POU6F2: variants seen among roughly 807,000 people sequenced by gnomAD.
The protein encoded by POU6F2 is POU class 6 homeobox 2.
POU6F2 carries 31 observed loss-of-function variants against 71.3 expected under a neutral mutation model. The observed-to-expected ratio is 0.43, with a 90% CI of 0.33 to 0.59. The LOEUF is 0.59. Among genes scored for constraint, POU6F2 ranks in the 20% least tolerant of loss-of-function variants. The pLI, the probability that POU6F2 is intolerant of heterozygous loss-of-function variation, is 0.04. For synonymous variants in POU6F2, 347 were observed against 355.7 expected, an observed-to-expected ratio of 0.98 and a Z score of 0.27; for missense variants, 783 against 856.8, an observed-to-expected ratio of 0.91 and a Z score of 1.07.
intron 1 of POU6F2, among the ~76,000 whole-genome samples, chr7:39,056,392 C>A (rs557682836): frequency 6.6e-6 from 1 of 152,068 alleles, no homozygotes; most frequent in East Asian, 1.9e-4. Flanking sequence ...TTCTTTCTTT[C>A]ATTAAGTTTA....
chr7:39,363,387 T>C (rs575861364), intron 5 of POU6F2, among the ~76,000 whole-genome samples: 1 of 152,094 alleles, frequency 6.6e-6, no homozygotes, highest in East Asian at 1.9e-4. Context: ...TCTTAACATG[T>C]TAGTTTTAGA....
chr7:39,084,875 T>A (rs890638914), intron 1 of POU6F2, among the ~76,000 whole-genome samples: 18 of 152,122 alleles, frequency 1.2e-4, no homozygotes, highest in African/African-American at 4.3e-4. Context: ...AAAGGGCACT[T>A]CTTGCTCTCC....
At chr7:39,318,075 A>G (rs975046548) in intron 4 of POU6F2, among the ~76,000 whole-genome samples, 7 of 152,260 alleles carry the variant, frequency 4.6e-5, no homozygotes, top group African/African-American at 1.7e-4. Flanking sequence ...CACTAACCCT[A>G]TTGCTGTCTC....
intron 4 of POU6F2, among the ~76,000 whole-genome samples, chr7:39,319,710 CCAA>C (rs1344281833): frequency 6.6e-6 from 1 of 152,128 alleles, no homozygotes; most frequent in Non-Finnish European, 1.5e-5. Context: ...GTGGCATTTT[CCAA>C]CAAGAGGCCA....
At chr7:39,211,001 G>A (rs909153417) in intron 4 of POU6F2, among the ~76,000 whole-genome samples, 1 of 152,168 alleles carries the variant, frequency 6.6e-6, no homozygotes, top group African/African-American at 2.4e-5. Context: ...TTCTGGTGAA[G>A]GCCCACTTCC....
At chr7:39,400,975 A>G (rs986477802) in intron 5 of POU6F2, among the ~76,000 whole-genome samples, 1 of 151,912 alleles carries the variant, frequency 6.6e-6, no homozygotes, top group East Asian at 1.9e-4. Flanking sequence ...GGAAACAGGG[A>G]CTCTCTGCAA....
intron 5 of POU6F2, among the ~76,000 whole-genome samples, chr7:39,402,788 T>C (rs1266103345): frequency 3.9e-5 from 6 of 152,150 alleles, no homozygotes; most frequent in African/African-American, 1.4e-4. Context: ...GAAAAAAAAG[T>C]AAAATAAAAT....
At chr7:39,240,532 C>T (rs1022947138) in intron 4 of POU6F2, among the ~76,000 whole-genome samples, 1 of 152,064 alleles carries the variant, frequency 6.6e-6, no homozygotes, top group African/African-American at 2.4e-5. Flanking sequence ...GAAACCAGTT[C>T]CTACCAATCA....
intron 1 of POU6F2, among the ~76,000 whole-genome samples, chr7:38,998,855 C>G (rs1244961381): frequency 6.9e-6 from 1 of 143,938 alleles, no homozygotes; most frequent in African/African-American, 2.6e-5. Context: ...CAGTAGAGAC[C>G]AGGTTTTACC....
chr7:39,232,058 C>T (rs1258914838), intron 4 of POU6F2, among the ~76,000 whole-genome samples: 2 of 152,200 alleles, frequency 1.3e-5, no homozygotes, highest in African/African-American at 4.8e-5. Flanking sequence ...ATTTTCCCTG[C>T]ATTTCTTCTA....
At chr7:39,102,092 T>C (rs1791586201) in intron 2 of POU6F2, among the ~76,000 whole-genome samples, 1 of 152,180 alleles carries the variant, frequency 6.6e-6, no homozygotes, top group African/African-American at 2.4e-5. Context: ...ATCAGAGCAG[T>C]ACATTGTTAG....
intron 4 of POU6F2, among the ~76,000 whole-genome samples, chr7:39,216,072 C>G (rs1794237312): frequency 6.6e-6 from 1 of 152,210 alleles, no homozygotes; most frequent in Non-Finnish European, 1.5e-5. Flanking sequence ...ATCACTTCCA[C>G]TCACACGCTG....
At chr7:39,003,191 C>T (rs1788962091) in intron 1 of POU6F2, among the ~76,000 whole-genome samples, 1 of 151,852 alleles carries the variant, frequency 6.6e-6, no homozygotes, top group South Asian at 2.1e-4. Flanking sequence ...AAAAAGCCAT[C>T]AAGGACATAC....
At chr7:39,250,940 C>T (rs976693851) in intron 4 of POU6F2, among the ~76,000 whole-genome samples, 3 of 152,308 alleles carry the variant, frequency 2.0e-5, no homozygotes, top group Admixed American at 6.5e-5. Flanking sequence ...TTTTGCTTTG[C>T]GTCTCCATTT....
In POU6F2 at chr7:39,054,884, G is replaced by C. The variant is rs142327531; in HGVS notation, c.106-30976G>C. Among the ~76,000 whole-genome samples, 21 of 151,926 alleles carry C rather than the reference G, an allele frequency of 1.4e-4. No individual in the cohort carries two copies. The East Asian group carries it at 3.7e-3, about 27-fold the overall frequency. On this transcript the variant is annotated intron_variant, in intron 1 of 9. Coordinates refer to ENST00000518318, the MANE Select transcript of POU6F2 (RefSeq NM_001370959.1). ...TGAGCACATGAAAAAAGCTGCAGAA[G>C]TTGAGGATAACAGGTGGAAAAGGCC...
At chr7:39,008,153 AG>A (rs1789140586) in intron 1 of POU6F2, among the ~76,000 whole-genome samples, 1 of 143,702 alleles carries the variant, frequency 7.0e-6, no homozygotes, top group Non-Finnish European at 1.5e-5. Flanking sequence ...ACAGTGTAAA[AG>A]TGTTCCTATT....
At chr7:39,266,946 C>T (rs935860061) in intron 4 of POU6F2, among the ~76,000 whole-genome samples, 1 of 152,142 alleles carries the variant, frequency 6.6e-6, no homozygotes, top group South Asian at 2.1e-4. Context: ...AGAACTTATT[C>T]CCCCTATGTA....
intron 2 of POU6F2, among the ~76,000 whole-genome samples, chr7:39,107,801 A>G (rs1399375578): frequency 6.6e-6 from 1 of 152,176 alleles, no homozygotes; most frequent in Non-Finnish European, 1.5e-5. Context: ...AGAAGGAGAG[A>G]GTCAGATGAA....
chr7:39,367,480 T>G (rs1199515023), intron 5 of POU6F2, among the ~76,000 whole-genome samples: 1 of 152,186 alleles, frequency 6.6e-6, no homozygotes, highest in Non-Finnish European at 1.5e-5. Flanking sequence ...GAGGTAAGGG[T>G]TAAACCTTTT....
Sources: allele counts gnomAD v4.1 joint callset (sites outside exome capture counted in the v4.1 genomes callset), GRCh38; gene constraint gnomAD v4.1.1; transcripts MANE v1.5; gene names NCBI Gene and HGNC (gene_info 2026-07-23, HGNC 2026-07-21).